Variants in TRPM1 observed in about 807,000 individuals in gnomAD.
The protein encoded by TRPM1 is TRPM1-203 APA Isoform, Intron 10.
TRPM1 carries 113 observed loss-of-function variants against 149.4 expected under a neutral mutation model. The ratio of observed to expected loss-of-function variants is 0.76; its 90% CI spans 0.65 to 0.88. TRPM1 has a LOEUF of 0.88. Ranked by LOEUF, TRPM1 falls within the 40% of genes least tolerant of loss-of-function variation. The probability of loss-of-function intolerance (pLI) is 0.00; values close to 1 mark genes in which losing one functional copy is unlikely to be tolerated. For missense variants in TRPM1, 1,976 were observed against 2,038.7 expected, an observed-to-expected ratio of 0.97 and a Z score of 0.59; for synonymous variants, 741 against 759.5, an observed-to-expected ratio of 0.98 and a Z score of 0.40.
intron 1 of TRPM1, among the ~76,000 whole-genome samples, chr15:31,145,728 C>T (rs12148879): frequency 0.1 from 15,865 of 151,998 alleles, 848 homozygotes; most frequent in South Asian, 0.14. Context: ...CGTAGAGACA[C>T]GGCTGCAAAA....
chr15:31,113,807 A>C (rs1177103608), intron 1 of TRPM1, among the ~76,000 whole-genome samples: 1 of 152,154 alleles, frequency 6.6e-6, no homozygotes, highest in Non-Finnish European at 1.5e-5. Context: ...CACAGTTAGC[A>C]ACAGCAAGAT....
chr15:31,149,130 A>T (rs150855427), intron 1 of TRPM1, among the ~76,000 whole-genome samples: 5 of 152,338 alleles, frequency 3.3e-5, no homozygotes, highest in Admixed American at 6.5e-5. Flanking sequence ...TCCCAGATCT[A>T]CGTGGAAGGG....
intron 7 of TRPM1, among the ~76,000 whole-genome samples, chr15:31,065,806 C>T (rs1458465478): frequency 6.6e-6 from 1 of 152,170 alleles, no homozygotes; most frequent in East Asian, 1.9e-4. Context: ...AACCACTGGG[C>T]AACAGGGTGG....
At chr15:31,032,975 T>C in intron 21 of TRPM1, 35 bp from the exon 22 acceptor site, 12 of 1,613,294 alleles carry the variant, frequency 7.4e-6, no homozygotes, top group South Asian at 1.1e-5. Context: ...TAAACTGAGA[T>C]GCCGTATTAG....
chr15:31,027,310 G>C (rs969844927), intron 25 of TRPM1, among the ~76,000 whole-genome samples, 193 bp from the exon 26 acceptor site: 1 of 152,140 alleles, frequency 6.6e-6, no homozygotes, highest in East Asian at 1.9e-4. Flanking sequence ...TAAGGACATT[G>C]TATTCATAAA....
In TRPM1 at chr15:31,098,606, T is replaced by G. The variant is rs1174021580; in HGVS notation, c.-84+3051A>C. Reference sequence around the variant, plus strand: ...ATGATTAACAAACAAAAAAGGGCACTGTGGCCATGATTCCCGAGGAGCAAG... The same window carrying G: ...ATGATTAACAAACAAAAAAGGGCACGGTGGCCATGATTCCCGAGGAGCAAG... On this transcript the variant is annotated intron_variant, in intron 1 of 27. Transcript: ENST00000256552. 2.0e-5 allele frequency among the ~76,000 whole-genome samples: 3 copies of G among 152,172 alleles called. No homozygotes were observed. The East Asian group carries it at 5.8e-4, about 29-fold the overall frequency.
chr15:31,149,818 C>A (rs1263796471), intron 1 of TRPM1, among the ~76,000 whole-genome samples: 1 of 152,228 alleles, frequency 6.6e-6, no homozygotes, highest in Admixed American at 6.5e-5. Context: ...GGCGCCAGGC[C>A]GTGCATCTTT....
intron 25 of TRPM1, among the ~76,000 whole-genome samples, chr15:31,028,038 G>A (rs868187374): frequency 6.6e-6 from 1 of 152,034 alleles, no homozygotes; most frequent in Non-Finnish European, 1.5e-5. Flanking sequence ...CAAATATTCT[G>A]TACCCCAGGA....
chr15:31,071,764 G>A lies in TRPM1; in HGVS notation c.84-1538C>T, dbSNP rs2034545950. On this transcript the variant is annotated intron_variant, in intron 3 of 27. Coordinates refer to ENST00000256552, the MANE Select transcript of TRPM1 (RefSeq NM_001252024.2). ...GGATCACTTGAGGTCAGGAGTCCGA[G>A]ACCAGCCTGGTCAATATTGTGAAAC... is the stretch of plus-strand genomic sequence containing the variant. Among the ~76,000 whole-genome samples the A allele has an allele frequency of 2.0e-5, 3 of 151,618 alleles. No individual in the cohort carries two copies. In the South Asian group the frequency reaches 6.2e-4, roughly 32 times the overall value.
chr15:31,053,230 C>T (rs2140944326), intron 11 of TRPM1, among the ~76,000 whole-genome samples: 1 of 152,256 alleles, frequency 6.6e-6, no homozygotes, highest in Middle Eastern at 3.4e-3. Context: ...ATCTCACACC[C>T]ATTAAGATGG....
In TRPM1 at chr15:31,157,738, C is replaced by T. The variant is rs116528503; in HGVS notation, c.54+3168G>A. 7.9e-3 allele frequency among the ~76,000 whole-genome samples: 1,208 copies of T among 152,148 alleles called. 23 individuals carry two copies. Among genetic ancestry groups the T allele is most frequent in the African/African-American group, 0.028 (1,161 of 41,486 alleles). On this transcript the variant is annotated intron_variant, in intron 1 of 26. Transcript: ENST00000542188. ...TGCCTCAGGATTCCACGCTGTGCAC[C>T]CCAGTTGGTCTAAGACCAAGGGAAG...
At chr15:31,061,555 CAAG>C in intron 9 of TRPM1, 41 bp from the exon 10 acceptor site, 2 of 1,575,370 alleles carry the variant, frequency 1.3e-6, no homozygotes, top group Non-Finnish European at 1.7e-6. Context: ...AAGTTGAAAA[CAAG>C]AAGGAGATAT....
chr15:31,125,903 G>T (rs2035945092), intron 1 of TRPM1, among the ~76,000 whole-genome samples: 1 of 152,032 alleles, frequency 6.6e-6, no homozygotes, highest in African/African-American at 2.4e-5. Flanking sequence ...GGCTGATGCA[G>T]GTGGATCACT....
chr15:31,137,625 G>T (rs2036106286), intron 1 of TRPM1, among the ~76,000 whole-genome samples: 1 of 152,126 alleles, frequency 6.6e-6, no homozygotes, highest in South Asian at 2.1e-4. Context: ...TCACTGTGAA[G>T]AGCTAATAAA....
At chr15:31,047,770 G>A in intron 14 of TRPM1, 119 bp downstream of exon 14, 1 of 860,168 alleles carries the variant, frequency 1.2e-6, no homozygotes, top group South Asian at 1.3e-5. Context: ...TACGAAAGAA[G>A]GAATTCATTA....
intron 1 of TRPM1, among the ~76,000 whole-genome samples, chr15:31,111,203 C>T (rs2035683380): frequency 6.6e-6 from 1 of 152,188 alleles, no homozygotes; most frequent in Admixed American, 6.6e-5. Context: ...TAGCAGAGAG[C>T]ATTATCTGAG....
chr15:31,153,128 T>C (rs1473777573), intron 1 of TRPM1, among the ~76,000 whole-genome samples: 1 of 152,236 alleles, frequency 6.6e-6, no homozygotes, highest in Admixed American at 6.5e-5. Context: ...CTACATTCTG[T>C]AGAGAATCCC....
chr15:31,063,725 T>C (rs568578378), intron 7 of TRPM1, among the ~76,000 whole-genome samples: 1 of 152,290 alleles, frequency 6.6e-6, no homozygotes, highest in South Asian at 2.1e-4. Context: ...AGTGCTAGGA[T>C]TACAGGTGTA....
chr15:31,124,512 G>A (rs2035919461), intron 1 of TRPM1, among the ~76,000 whole-genome samples: 1 of 151,582 alleles, frequency 6.6e-6, no homozygotes, highest in Admixed American at 6.6e-5. Flanking sequence ...AAATTAGTCA[G>A]GCGTGGTGGT....
Sources: allele counts gnomAD v4.1 joint callset (sites outside exome capture counted in the v4.1 genomes callset), GRCh38; gene constraint gnomAD v4.1.1; transcripts MANE v1.5; gene names NCBI Gene and HGNC (gene_info 2026-07-23, HGNC 2026-07-21).